The following ABHD16A variants were observed in gnomAD, a reference collection of about 807,000 sequenced individuals.
The protein encoded by ABHD16A is phosphatidylserine lipase ABHD16A.
ABHD16A carries 47 observed loss-of-function variants against 89.8 expected under a neutral mutation model. The ratio of observed to expected loss-of-function variants is 0.52; its 90% CI spans 0.41 to 0.67. The LOEUF is 0.67. Among genes scored for constraint, ABHD16A ranks in the 30% least tolerant of loss-of-function variants. The probability of loss-of-function intolerance (pLI) is 0.00; values close to 1 mark genes in which losing one functional copy is unlikely to be tolerated. For missense variants in ABHD16A, 580 were observed against 734.6 expected, an observed-to-expected ratio of 0.79 and a Z score of 2.43; for synonymous variants, 251 against 280.4, an observed-to-expected ratio of 0.90 and a Z score of 1.05.
intron 4 of ABHD16A, among the ~76,000 whole-genome samples, chr6:31,700,460 C>T (rs1804853043): frequency 6.6e-6 from 1 of 152,206 alleles, no homozygotes; most frequent in South Asian, 2.1e-4. Flanking sequence ...CTATTTGTAG[C>T]CACTGGAGTT....
At chr6:31,702,897 C>T (rs1302397380) in intron 1 of ABHD16A, 1 of 1,307,540 alleles carries the variant, frequency 7.6e-7, no homozygotes, top group African/African-American at 1.5e-5. Context: ...CACACAGGGT[C>T]GGGGGGACGC....
chr6:31,698,720 G>C lies in ABHD16A; in HGVS notation c.344-1687C>G, dbSNP rs554499526. ...AAACTAAGACAAAACTGAGCAGTGG[G>C]AGCTACTTTTAGACAGGGTGGTCAG... On this transcript the variant is annotated intron_variant, in intron 4 of 19. Coordinates refer to ENST00000395952, the MANE Select transcript of ABHD16A (RefSeq NM_021160.3). The surrounding 1 kb of genome is among the most constrained non-coding windows in gnomAD (Gnocchi z 4.1). Among the ~76,000 whole-genome samples, 46 of 152,146 alleles carry C rather than the reference G, an allele frequency of 3.0e-4. No individual in the cohort carries two copies. The highest frequency in any genetic ancestry group is 6.8e-3 in the Middle Eastern group (2 of 294).
Position 31,701,288 on chromosome 6 carries a change from TAGA to T in ABHD16A, c.239_241del (p.Phe80del), listed in dbSNP as rs1256321971. 1.9e-6 allele frequency: 3 copies of T among 1,613,154 alleles called. No homozygotes were observed. Among genetic ancestry groups the T allele is most frequent in the Non-Finnish European group, 2.5e-6 (3 of 1,179,638 alleles). On this transcript the variant is annotated inframe_deletion, in exon 3 of 20. Coordinates refer to ENST00000395952, the MANE Select transcript of ABHD16A (RefSeq NM_021160.3). ...ACCACACTGACCTTTCCTGTACAAG[TAGA>T]AGAAGGCGAAGGGAGAGGAGTAATA...
chr6:31,691,502 C>CTA (rs1216597727), intron 9 of ABHD16A, 77 bp downstream of exon 9: 2 of 1,333,772 alleles, frequency 1.5e-6, no homozygotes, highest in African/African-American at 2.9e-5. Context: ...CAGGGAGGTG[C>CTA]TATAGCATTG....
chr6:31,689,739 G>C (rs1803678035), intron 11 of ABHD16A, 35 bp from the exon 12 acceptor site: 1 of 1,587,740 alleles, frequency 6.3e-7, no homozygotes, highest in Non-Finnish European at 8.6e-7. Context: ...GAGTGTGTCA[G>C]CACCAAAGGC....
rs1470526113 is a variant in ABHD16A at position 31,687,319 on chromosome 6, T to G, written c.1594-24A>C. 2 of 1,611,694 alleles carry G rather than the reference T, an allele frequency of 1.2e-6. No homozygotes were observed. The highest frequency in any genetic ancestry group is 1.7e-6 in the Non-Finnish European group (2 of 1,179,034). The stretch of plus-strand genomic sequence containing the variant: ...GCCTGAGGAAAGGAGGTGGGACAGG[T>G]GGGGTACAGAGCACTGTTGGGAGGG... On this transcript the variant is annotated intron_variant, in intron 19 of 19. Transcript: ENST00000395952. The surrounding 1 kb of genome is among the most constrained non-coding windows in gnomAD (Gnocchi z 6.3).
rs747025358 is a variant in ABHD16A, at chr6:31,688,022, C to T, written c.1370+19G>A. ...GTGTGTGTACACTGCCCCCAGCGCG[C>T]ACACACCCTGGCTCTCACCGATGCT... is the stretch of plus-strand genomic sequence containing the variant. On this transcript the variant is annotated intron_variant, in intron 16 of 19. Transcript: ENST00000395952. The surrounding 1 kb of genome is among the most constrained non-coding windows in gnomAD (Gnocchi z 4.9). 6 of 1,611,668 alleles carry T rather than the reference C, an allele frequency of 3.7e-6. No homozygotes were observed. The Admixed American group carries it at 1.0e-4, about 27-fold the overall frequency.
At position 31,691,854 on chromosome 6, in the gene ABHD16A, T is replaced by C; in HGVS notation, c.691A>G (p.Lys231Glu). ...TGCAGCAGCACAGGCATGAGGGCCTTCTGCAGCAGGTACACAGAGCCTGGA... is the reference window on the plus strand; with the variant it reads ...TGCAGCAGCACAGGCATGAGGGCCTCCTGCAGCAGGTACACAGAGCCTGGA... ...LYPGSVYLLQ[K>E]ALMPVLLQGQ... is the part of the protein sequence containing the mutation. Residue 231 changes from lysine (K) to glutamate (E), a missense_variant, in exon 8 of 20, where the codon AAG becomes GAG. Physicochemically the swap from Lys to Glu is moderately conservative, Grantham distance 56. Around this residue, in one of 2 missense-constraint regions of ABHD16A, gnomAD observed 415 missense variants for 568.8 expected, o/e 0.73. Coordinates refer to ENST00000395952, the MANE Select transcript of ABHD16A (RefSeq NM_021160.3). The C allele has an allele frequency of 6.2e-7, 1 of 1,611,826 alleles. No individual in the cohort carries two copies. Among genetic ancestry groups the C allele is most frequent in the Non-Finnish European group, 8.5e-7 (1 of 1,179,844 alleles).
chr6:31,698,434 C>A lies in ABHD16A; in HGVS notation c.344-1401G>T, dbSNP rs1354208123. 6.6e-6 allele frequency among the ~76,000 whole-genome samples: 1 copy of A among 151,730 alleles called. No homozygotes were observed. The highest frequency in any genetic ancestry group is 1.5e-5 in the Non-Finnish European group (1 of 67,934). Reference sequence around the variant, plus strand: ...AAAAAAAAATCACAAAACTATACATCAAAAAATTTAAAAAGGCTTTTATAT... The same window carrying A: ...AAAAAAAAATCACAAAACTATACATAAAAAAATTTAAAAAGGCTTTTATAT... On this transcript the variant is annotated intron_variant, in intron 4 of 19. Coordinates refer to ENST00000395952, the MANE Select transcript of ABHD16A (RefSeq NM_021160.3). The surrounding 1 kb of genome is among the most constrained non-coding windows in gnomAD (Gnocchi z 4.1).
At chr6:31,689,864 T>C (rs928051875) in intron 11 of ABHD16A, among the ~76,000 whole-genome samples, 160 bp from the exon 12 acceptor site, 5 of 152,110 alleles carry the variant, frequency 3.3e-5, no homozygotes, top group Admixed American at 3.3e-4. Flanking sequence ...GACGGATGTG[T>C]ACAATGAGAT....
chr6:31,696,028 G>A lies in ABHD16A; in HGVS notation c.429+920C>T, dbSNP rs555266976. 1.0e-3 allele frequency among the ~76,000 whole-genome samples: 154 copies of A among 152,154 alleles called. 1 individual carries two copies. Among genetic ancestry groups the A allele is most frequent in the African/African-American group, 2.6e-3 (107 of 41,502 alleles). ...AAAATAAAAAAATTAGCCGGGCGTG[G>A]TGGCAGGCGCCTGTAGTCCCAGCTA... On this transcript the variant is annotated intron_variant, in intron 5 of 19. Transcript: ENST00000395952.
At chr6:31,692,835 C>T in intron 7 of ABHD16A, 192 bp downstream of exon 7, 1 of 639,620 alleles carries the variant, frequency 1.6e-6, no homozygotes, top group Non-Finnish European at 2.5e-6. Context: ...TTTGAGACTC[C>T]AGACCTCTCT....
chr6:31,703,232 T>C lies in ABHD16A; in HGVS notation c.50A>G (p.Tyr17Cys), dbSNP rs1335061682. Residue 17 changes from tyrosine (Y) to cysteine (C), a missense_variant, in exon 1 of 20, where the codon TAC becomes TGC. Tyr to Cys is a radical substitution (Grantham distance 194). Around this residue, in one of 2 missense-constraint regions of ABHD16A, gnomAD observed 165 missense variants for 165.8 expected, o/e 1.00. Coordinates refer to ENST00000395952, the MANE Select transcript of ABHD16A (RefSeq NM_021160.3). ...GGCCCTTTCAGAGTCCCTCTCCCGGTAGATTTTGTAGAGCCGGGGGCCTAG... is the reference window on the plus strand; with the variant it reads ...GGCCCTTTCAGAGTCCCTCTCCCGGCAGATTTTGTAGAGCCGGGGGCCTAG... ...CVLGPRLYKI[Y>C]RERDSERAPA... 2 of 1,435,922 alleles carry C rather than the reference T, an allele frequency of 1.4e-6. No individual in the cohort carries two copies. The highest frequency in any genetic ancestry group is 9.2e-7 in the Non-Finnish European group (1 of 1,084,200). 88.9% of individuals were successfully genotyped at this position (1,435,922 alleles called of 1,614,324 possible).
chr6:31,687,594 C>T lies in ABHD16A; in HGVS notation c.1546+48G>A, dbSNP rs1803422976. On this transcript the variant is annotated intron_variant, in intron 18 of 19. Transcript: ENST00000395952. This position sits in a 1 kb window ranked among gnomAD's most constrained non-coding sequence, Gnocchi z 6.3. ...AGGCCACACATCTGGGTATTCATCC[C>T]CTTCCTAGGCCCTTCCCACCCTCTC... The T allele has an allele frequency of 1.2e-6, 2 of 1,613,000 alleles. No individual in the cohort carries two copies. Among genetic ancestry groups the T allele is most frequent in the Non-Finnish European group, 8.5e-7 (1 of 1,179,998 alleles).
At position 31,701,044 on chromosome 6, in the gene ABHD16A, G is replaced by A. The variant is rs762444408; in HGVS notation, c.257-16C>T. ...CTCAAGTAACCTGGGAAGGGAGAGG[G>A]ACAATGTGAGACCCTCTCCGCAATG... On this transcript the variant is annotated splice_polypyrimidine_tract_variant and intron_variant, in intron 3 of 19. Transcript: ENST00000395952. 1.4e-5 allele frequency: 22 copies of A among 1,591,268 alleles called. 1 individual carries two copies. In the South Asian group the frequency reaches 2.3e-4, roughly 17 times the overall value.
intron 4 of ABHD16A, among the ~76,000 whole-genome samples, chr6:31,699,573 A>G (rs1438482768): frequency 6.6e-6 from 1 of 150,448 alleles, no homozygotes; most frequent in Non-Finnish European, 1.5e-5. Context: ...ATTCATCTGC[A>G]TTGCTTTTGT....
chr6:31,694,337 A>G (rs567646209), intron 5 of ABHD16A, among the ~76,000 whole-genome samples: 1 of 148,926 alleles, frequency 6.7e-6, no homozygotes, highest in South Asian at 2.1e-4. Flanking sequence ...GATTATAGGC[A>G]TGAACCACCT....
chr6:31,703,018 C>T, intron 1 of ABHD16A, 132 bp downstream of exon 1: 4 of 1,354,338 alleles, frequency 3.0e-6, no homozygotes, highest in Non-Finnish European at 3.8e-6. Context: ...GCACACAGAG[C>T]GCAGATTTTG....
In ABHD16A at chr6:31,698,944, C is replaced by A. The variant is rs970407493; in HGVS notation, c.344-1911G>T. On this transcript the variant is annotated intron_variant, in intron 4 of 19. Transcript: ENST00000395952. The surrounding 1 kb of genome is among the most constrained non-coding windows in gnomAD (Gnocchi z 4.1). ...CTGTCCTCTTTATTTTTTTAAATTG[C>A]GAGATACAACATATGTACATAAAAC... Among the ~76,000 whole-genome samples, 1 of 151,984 alleles carries A rather than the reference C, an allele frequency of 6.6e-6. No homozygotes were observed. The highest frequency in any genetic ancestry group is 2.4e-5 in the African/African-American group (1 of 41,356).
Sources: gnomAD v4.1 joint callset for allele counts (sites outside exome capture counted in the v4.1 genomes callset) on GRCh38, gnomAD v4.1.1 for gene constraint, gnomAD v4.1.1 regional missense constraint, Gnocchi (gnomAD v3.1) non-coding constraint, MANE v1.5 for transcripts, NCBI Gene and HGNC (gene_info 2026-07-23, HGNC 2026-07-21) for gene names.